AJAP1: variants seen among roughly 807,000 people sequenced by gnomAD.
The protein encoded by AJAP1 is adherens junction-associated protein 1.
AJAP1 carries 5 observed loss-of-function variants against 35.0 expected under a neutral mutation model. That is an observed-to-expected ratio of 0.14 (90% CI 0.07 to 0.30). AJAP1 has a LOEUF of 0.30. AJAP1 is among the 10% of genes least tolerant of loss of function. The pLI is 1.00. For missense variants in AJAP1, 586 were observed against 571.0 expected (o/e 1.03, Z -0.27); for synonymous variants, 284 against 249.3 (o/e 1.14, Z -1.31).
intron 1 of AJAP1, among the ~76,000 whole-genome samples, chr1:4,687,174 T>A (rs1312117157): frequency 6.6e-6 from 1 of 152,144 alleles, no homozygotes; most frequent in Non-Finnish European, 1.5e-5. Flanking sequence ...ATAATTTAGT[T>A]TTAGAAATCA....
intron 2 of AJAP1, among the ~76,000 whole-genome samples, chr1:4,751,568 A>G (rs1641321268): frequency 6.6e-6 from 1 of 152,222 alleles, no homozygotes; most frequent in African/African-American, 2.4e-5. Context: ...GTCATGAACA[A>G]GAGAGACACC....
chr1:4,705,323 A>G (rs2100252822), intron 1 of AJAP1, among the ~76,000 whole-genome samples: 1 of 146,824 alleles, frequency 6.8e-6, no homozygotes, highest in Non-Finnish European at 1.5e-5. Flanking sequence ...GGACATAGGC[A>G]TGGGCAAGGA....
chr1:4,712,184 G>T lies in AJAP1; in HGVS notation c.314G>T (p.Arg105Leu), dbSNP rs867387769. 3 of 1,564,716 alleles carry T rather than the reference G, an allele frequency of 1.9e-6. No homozygotes were observed. Among genetic ancestry groups the T allele is most frequent in the African/African-American group, 1.4e-5 (1 of 73,550 alleles). The change falls in exon 2 of 6, where the codon CGG becomes CTG. Residue 105 changes from arginine to leucine, a missense_variant. Physicochemically the swap from Arg to Leu is moderately radical, Grantham distance 102 (BLOSUM62 -2). Transcript: ENST00000378191. ...CGAGCCAGACGGGCCCACAGGCCCC[G>T]GGACCAGGCGGCCGCCCTCGTGCCC... Reference protein sequence around the residue: ...MPRARRAHRPRDQAAALVPKA... With the variant: ...MPRARRAHRPLDQAAALVPKA...
intron 2 of AJAP1, among the ~76,000 whole-genome samples, chr1:4,735,806 GC>G (rs1297171562): frequency 3.9e-5 from 6 of 152,218 alleles, no homozygotes; most frequent in Non-Finnish European, 8.8e-5. Flanking sequence ...ATGGGGCACA[GC>G]CCCTGTTACC....
At chr1:4,682,883 TTGGTGA>T (rs949409933) in intron 1 of AJAP1, among the ~76,000 whole-genome samples, 7 of 150,640 alleles carry the variant, frequency 4.6e-5, no homozygotes, top group African/African-American at 7.5e-5. Flanking sequence ...GATGATGATG[TTGGTGA>T]TGGTGATGGT....
intron 1 of AJAP1, among the ~76,000 whole-genome samples, chr1:4,710,516 C>T (rs1264287464): frequency 1.3e-5 from 2 of 152,200 alleles, no homozygotes; most frequent in Non-Finnish European, 2.9e-5. Context: ...CTTGCGTGCA[C>T]GCATTACAAT....
At chr1:4,769,766 G>T (rs1461071124) in intron 2 of AJAP1, 87 bp from the exon 3 acceptor site, 10 of 1,152,814 alleles carry the variant, frequency 8.7e-6, no homozygotes, top group Non-Finnish European at 1.0e-5. Context: ...AGCTGGGTTG[G>T]GGGGATGCAC....
At chr1:4,699,064 C>T (rs1639927897) in intron 1 of AJAP1, among the ~76,000 whole-genome samples, 1 of 152,192 alleles carries the variant, frequency 6.6e-6, no homozygotes, top group Admixed American at 6.5e-5. Flanking sequence ...AGTCCAGAAC[C>T]TCCTTCTCAC....
At chr1:4,739,118 C>A (rs960979308) in intron 2 of AJAP1, among the ~76,000 whole-genome samples, 1 of 152,280 alleles carries the variant, frequency 6.6e-6, no homozygotes, top group South Asian at 2.1e-4. Context: ...CTAAATGACG[C>A]AGAAAACTGG....
rs189093451 is a variant in AJAP1, at chr1:4,752,253, C to T, written c.830-17600C>T. On this transcript the variant is annotated intron_variant, in intron 2 of 5. Coordinates refer to ENST00000378191, the MANE Select transcript of AJAP1 (RefSeq NM_018836.4). The stretch of plus-strand genomic sequence containing the variant: ...GAAGACACTGGTGGCTTTGTTTCAC[C>T]GAGATGAAGGAACAAGGAAAGAAAC... Among the ~76,000 whole-genome samples, 24 of 151,438 alleles carry T rather than the reference C, an allele frequency of 1.6e-4. No homozygotes were observed. In the East Asian group the frequency reaches 3.5e-3, roughly 22 times the overall value.
intron 2 of AJAP1, among the ~76,000 whole-genome samples, chr1:4,733,324 A>G (rs1640843349): frequency 6.6e-6 from 1 of 152,000 alleles, no homozygotes; most frequent in South Asian, 2.1e-4. Context: ...CCCAAGAGTC[A>G]TCACTTCCAA....
chr1:4,702,403 G>A (rs1269714084), intron 1 of AJAP1, among the ~76,000 whole-genome samples: 6 of 152,206 alleles, frequency 3.9e-5, no homozygotes, highest in Admixed American at 3.9e-4. Flanking sequence ...GGCCTGCAAA[G>A]TACCGATCCA....
At chr1:4,732,164 C>G (rs569985369) in intron 2 of AJAP1, among the ~76,000 whole-genome samples, 9 of 152,230 alleles carry the variant, frequency 5.9e-5, no homozygotes, top group Non-Finnish European at 1.2e-4. Context: ...CCCTCTTGCC[C>G]GAAGGGCCCC....
At chr1:4,715,922 C>T (rs1216112942) in intron 2 of AJAP1, among the ~76,000 whole-genome samples, 1 of 152,224 alleles carries the variant, frequency 6.6e-6, no homozygotes, top group Non-Finnish European at 1.5e-5. Flanking sequence ...TACTGGGGGG[C>T]ACCCCAAAAT....
intron 1 of AJAP1, among the ~76,000 whole-genome samples, chr1:4,698,844 C>T (rs948067337): frequency 1.3e-5 from 2 of 152,226 alleles, no homozygotes; most frequent in Admixed American, 6.5e-5. Flanking sequence ...CTGAGCCCCT[C>T]TCAGTGGTGC....
At position 4,727,601 on chromosome 1, in the gene AJAP1, G is replaced by T. The variant is rs997610236; in HGVS notation, c.829+14902G>T. Among the ~76,000 whole-genome samples the T allele has an allele frequency of 7.2e-5, 11 of 152,220 alleles. No individual in the cohort carries two copies. The East Asian group carries it at 1.9e-3, about 27-fold the overall frequency. ...CACGTCCCTGACACAGGACCTGGGT[G>T]CCCGGAAGACCCTGAGGTGGACCTG... On this transcript the variant is annotated intron_variant, in intron 2 of 5. Coordinates refer to ENST00000378191, the MANE Select transcript of AJAP1 (RefSeq NM_018836.4).
chr1:4,725,523 G>A (rs1182445767), intron 2 of AJAP1, among the ~76,000 whole-genome samples: 2 of 152,136 alleles, frequency 1.3e-5, no homozygotes. Context: ...CTTCGAGGGG[G>A]CTTGAGGTTA....
chr1:4,737,375 T>C (rs897244694), intron 2 of AJAP1, among the ~76,000 whole-genome samples: 24 of 152,180 alleles, frequency 1.6e-4, no homozygotes, highest in Admixed American at 1.0e-3. Context: ...TAGCACTGAT[T>C]ACCCGGCAAG....
chr1:4,768,267 A>G (rs1641733557), intron 2 of AJAP1, among the ~76,000 whole-genome samples: 1 of 152,226 alleles, frequency 6.6e-6, no homozygotes, highest in Admixed American at 6.5e-5. Flanking sequence ...GAATCAGTGG[A>G]TAGAAGAAGG....
Sources: allele counts gnomAD v4.1 joint callset (sites outside exome capture counted in the v4.1 genomes callset), GRCh38; gene constraint gnomAD v4.1.1; transcripts MANE v1.5; gene names NCBI Gene and HGNC (gene_info 2026-07-23, HGNC 2026-07-21).